The following AKAP7 variants were observed in gnomAD, a reference collection of about 807,000 sequenced individuals.
The protein encoded by AKAP7 is A kinase (PRKA) anchor protein 7.
AKAP7 carries 39 observed loss-of-function variants against 39.5 expected under a neutral mutation model. The observed-to-expected ratio is 0.99, with a 90% confidence interval of 0.76 to 1.29. The LOEUF (loss-of-function observed/expected upper bound fraction) is 1.29. AKAP7 is among the 50% of genes most tolerant of loss of function. The probability of loss-of-function intolerance (pLI) is 0.00; values close to 1 mark genes in which losing one functional copy is unlikely to be tolerated. For missense variants in AKAP7, 414 were observed against 407.7 expected (o/e 1.02, Z -0.13); for synonymous variants, 140 against 139.1 (o/e 1.01, Z -0.05).
At chr6:131,263,139 T>G (rs1435729780) in intron 7 of AKAP7, among the ~76,000 whole-genome samples, 1 of 152,160 alleles carries the variant, frequency 6.6e-6, no homozygotes, top group East Asian at 1.9e-4. Context: ...TCAAGGCAAA[T>G]CTGTTCTAGT....
intron 6 of AKAP7, among the ~76,000 whole-genome samples, chr6:131,204,304 A>G (rs1273813164): frequency 6.6e-6 from 1 of 152,240 alleles, no homozygotes. Context: ...GTTTAAGTCA[A>G]TTATGGTAAA....
intron 5 of AKAP7, among the ~76,000 whole-genome samples, chr6:131,191,082 A>G (rs944846754): frequency 6.6e-6 from 1 of 152,194 alleles, no homozygotes; most frequent in South Asian, 2.1e-4. Flanking sequence ...CTAAATTGCT[A>G]TTGGAAGCTC....
chr6:131,177,954 C>G (rs563935604), intron 5 of AKAP7, among the ~76,000 whole-genome samples: 1 of 152,318 alleles, frequency 6.6e-6, no homozygotes, highest in Non-Finnish European at 1.5e-5. Context: ...CCACAGGACC[C>G]AGAGGTATCA....
At chr6:131,275,169 G>A (rs1363487360) in intron 7 of AKAP7, among the ~76,000 whole-genome samples, 1 of 152,116 alleles carries the variant, frequency 6.6e-6, no homozygotes, top group East Asian at 1.9e-4. Flanking sequence ...CAGGTATTGG[G>A]CATATTATTT....
At chr6:131,239,162 T>A (rs985612080) in intron 7 of AKAP7, among the ~76,000 whole-genome samples, 1 of 152,184 alleles carries the variant, frequency 6.6e-6, no homozygotes, top group Non-Finnish European at 1.5e-5. Flanking sequence ...TTCCTTCACT[T>A]ATGAAGCTTA....
intron 7 of AKAP7, among the ~76,000 whole-genome samples, chr6:131,239,925 T>C (rs1811389131): frequency 6.6e-6 from 1 of 152,244 alleles, no homozygotes; most frequent in African/African-American, 2.4e-5. Flanking sequence ...TCATTCTCTG[T>C]CCAGCTTTGT....
At chr6:131,140,436 C>T (rs17182683) in intron 1 of AKAP7, among the ~76,000 whole-genome samples, 29,178 of 152,068 alleles carry the variant, frequency 0.19, 3,327 homozygotes, top group Non-Finnish European at 0.25. Flanking sequence ...AGCGATTTTG[C>T]GAACTTTTCT....
chr6:131,227,377 C>T (rs1472388391), intron 7 of AKAP7, among the ~76,000 whole-genome samples: 3 of 151,888 alleles, frequency 2.0e-5, no homozygotes, highest in South Asian at 4.2e-4. Flanking sequence ...GCTAGGTTTG[C>T]GGGTATGAGG....
chr6:131,177,366 A>G (rs958172092), intron 5 of AKAP7, among the ~76,000 whole-genome samples: 1 of 152,210 alleles, frequency 6.6e-6, no homozygotes, highest in East Asian at 1.9e-4. Context: ...GGGTCAAAAC[A>G]TGGCAGAGAA....
intron 3 of AKAP7, 30 bp from the exon 4 acceptor site, chr6:131,165,050 AT>A (rs1562875766): frequency 3.1e-5 from 46 of 1,501,810 alleles, no homozygotes; most frequent in Middle Eastern, 2.1e-4. Flanking sequence ...AATCACTGGA[AT>A]TTTTTTTATA....
intron 5 of AKAP7, chr6:131,185,269 G>C: frequency 1.3e-5 from 6 of 466,526 alleles, no homozygotes; most frequent in Non-Finnish European, 2.0e-5. Context: ...TGCTGGGCAG[G>C]GTACGAGTAG....
At chr6:131,222,791 A>G (rs1238627121) in intron 7 of AKAP7, among the ~76,000 whole-genome samples, 1 of 152,236 alleles carries the variant, frequency 6.6e-6, no homozygotes, top group Non-Finnish European at 1.5e-5. Context: ...TGAGAGAATC[A>G]GCTCCAATTT....
At chr6:131,184,132 C>T (rs1166011029) in intron 5 of AKAP7, among the ~76,000 whole-genome samples, 2 of 152,198 alleles carry the variant, frequency 1.3e-5, no homozygotes, top group Non-Finnish European at 1.5e-5. Context: ...CTCCTTTCTC[C>T]TTGAGGGCCT....
intron 5 of AKAP7, among the ~76,000 whole-genome samples, chr6:131,197,898 G>A (rs977004618): frequency 6.6e-5 from 10 of 152,198 alleles, no homozygotes; most frequent in Admixed American, 6.5e-4. Flanking sequence ...AGCTGTGGGA[G>A]CCCACACTAT....
intron 3 of AKAP7, among the ~76,000 whole-genome samples, chr6:131,163,765 A>G (rs1034301980): frequency 6.6e-6 from 1 of 152,172 alleles, no homozygotes; most frequent in African/African-American, 2.4e-5. Flanking sequence ...GTTAGTTTAA[A>G]AAGAAAAGAA....
chr6:131,169,163 A>G lies in AKAP7; in HGVS notation c.479A>G (p.Gln160Arg). The change falls in exon 5 of 8, where the codon CAG becomes CGG. Residue 160 changes from glutamine to arginine, a missense_variant. By Grantham distance (43) the Gln-to-Arg change is conservative. Transcript: ENST00000431975. The part of the protein sequence containing the change: ...ELKPFIEELL[Q>R]GKHLTLPFQG... The stretch of plus-strand genomic sequence containing the variant: ...AAACCATTCATAGAAGAACTCCTCC[A>G]GGGAAAACATTTGACTTTGCCCTTT... 3 of 1,613,934 alleles carry G rather than the reference A, an allele frequency of 1.9e-6. No individual in the cohort carries two copies. The highest frequency in any genetic ancestry group is 2.5e-6 in the Non-Finnish European group (3 of 1,179,848).
chr6:131,234,652 C>T (rs769103850), intron 7 of AKAP7, among the ~76,000 whole-genome samples: 21 of 147,564 alleles, frequency 1.4e-4, no homozygotes, highest in South Asian at 4.3e-4. Context: ...TTTATATGTA[C>T]GCTTTTATTT....
At position 131,180,184 on chromosome 6, in the gene AKAP7, C is replaced by T. The variant is rs375830543; in HGVS notation, c.589+10911C>T. Among the ~76,000 whole-genome samples, 12 of 152,318 alleles carry T rather than the reference C, an allele frequency of 7.9e-5. No homozygotes were observed. In the East Asian group the frequency reaches 2.1e-3, roughly 27 times the overall value. The stretch of plus-strand genomic sequence containing the variant: ...TGCTTGGTGAACCTATCTGCTACTG[C>T]ATTTGGCTTTTAAATTCTCATACAG... On this transcript the variant is annotated intron_variant, in intron 5 of 7. Transcript: ENST00000431975.
At chr6:131,143,325 A>T (rs933428102) in intron 1 of AKAP7, among the ~76,000 whole-genome samples, 2 of 152,122 alleles carry the variant, frequency 1.3e-5, no homozygotes, top group African/African-American at 2.4e-5. Flanking sequence ...ATGGGGGCAG[A>T]TCTCTCATGA....
Sources: gnomAD v4.1 joint callset for allele counts (sites outside exome capture counted in the v4.1 genomes callset) on GRCh38, gnomAD v4.1.1 for gene constraint, MANE v1.5 for transcripts, NCBI Gene and HGNC (gene_info 2026-07-23, HGNC 2026-07-21) for gene names.